CNTNAP2: variants seen among roughly 807,000 people sequenced by gnomAD.
The protein encoded by CNTNAP2 is contactin associated protein 2.
A neutral mutation model predicts 155.2 loss-of-function variants in CNTNAP2; 98 were observed. The ratio of observed to expected loss-of-function variants is 0.63; its 90% CI spans 0.54 to 0.75. The LOEUF (loss-of-function observed/expected upper bound fraction) is 0.75, where lower values mean the gene tolerates loss of function less well. Ranked by LOEUF, CNTNAP2 falls within the 30% of genes least tolerant of loss-of-function variation. The pLI, the probability that CNTNAP2 is intolerant of heterozygous loss-of-function variation, is 0.00. For synonymous variants in CNTNAP2, 651 were observed against 631.2 expected, an observed-to-expected ratio of 1.03 and a Z score of -0.47; for missense variants, 1,727 against 1,688.1, an observed-to-expected ratio of 1.02 and a Z score of -0.40.
At chr7:146,283,949 A>G (rs946593731) in intron 1 of CNTNAP2, among the ~76,000 whole-genome samples, 5 of 152,202 alleles carry the variant, frequency 3.3e-5, no homozygotes, top group African/African-American at 1.2e-4. Flanking sequence ...AATCAACAAG[A>G]AAATGACAGG....
At chr7:146,617,253 A>G (rs1466108483) in intron 1 of CNTNAP2, among the ~76,000 whole-genome samples, 3 of 152,222 alleles carry the variant, frequency 2.0e-5, no homozygotes, top group African/African-American at 7.2e-5. Flanking sequence ...TTTGTCTATA[A>G]CATGAGCTTG....
intron 9 of CNTNAP2, among the ~76,000 whole-genome samples, chr7:147,393,259 A>G (rs1340926952): frequency 1.3e-5 from 2 of 152,098 alleles, no homozygotes; most frequent in African/African-American, 4.8e-5. Context: ...ATTGGAAAAT[A>G]AAAGGACTTA....
intron 11 of CNTNAP2, among the ~76,000 whole-genome samples, chr7:147,560,680 T>G (rs1170071718): frequency 1.3e-5 from 2 of 151,804 alleles, no homozygotes; most frequent in African/African-American, 4.8e-5. Context: ...CACAGCTGTA[T>G]CTGCAATGCC....
At chr7:147,032,663 A>T (rs900586179) in intron 3 of CNTNAP2, among the ~76,000 whole-genome samples, 2 of 150,880 alleles carry the variant, frequency 1.3e-5, no homozygotes, top group Non-Finnish European at 3.0e-5. Context: ...AAAGGAGGGG[A>T]GGAAGGAAAT....
chr7:146,985,035 T>C (rs570646993), intron 3 of CNTNAP2, among the ~76,000 whole-genome samples: 1 of 152,316 alleles, frequency 6.6e-6, no homozygotes, highest in Non-Finnish European at 1.5e-5. Flanking sequence ...AAAAACACAC[T>C]ATCCTAGGCA....
chr7:146,410,894 C>T (rs981222240), intron 1 of CNTNAP2, among the ~76,000 whole-genome samples: 8 of 152,180 alleles, frequency 5.3e-5, no homozygotes, highest in Non-Finnish European at 1.0e-4. Flanking sequence ...GCTTACTTCA[C>T]ACAACATAAT....
intron 10 of CNTNAP2, among the ~76,000 whole-genome samples, chr7:147,439,487 T>G (rs541584616): frequency 6.6e-6 from 1 of 152,182 alleles, no homozygotes; most frequent in Admixed American, 6.5e-5. Flanking sequence ...TGAGCCTTGT[T>G]TTGTGACCTA....
intron 1 of CNTNAP2, among the ~76,000 whole-genome samples, chr7:146,730,335 T>C (rs1801503808): frequency 6.6e-6 from 1 of 152,194 alleles, no homozygotes; most frequent in South Asian, 2.1e-4. Flanking sequence ...AATTGCTCCA[T>C]GTCCTCCTTG....
chr7:146,164,111 G>T (rs930515835), intron 1 of CNTNAP2, among the ~76,000 whole-genome samples: 1 of 152,106 alleles, frequency 6.6e-6, no homozygotes, highest in Non-Finnish European at 1.5e-5. Flanking sequence ...CCTTAAAATT[G>T]GTGAGTCAAC....
chr7:146,896,630 T>G (rs1795883388), intron 3 of CNTNAP2, among the ~76,000 whole-genome samples: 1 of 152,010 alleles, frequency 6.6e-6, no homozygotes, highest in South Asian at 2.1e-4. Flanking sequence ...AATTGCAAAT[T>G]TGCCATTATT....
chr7:146,321,130 G>A (rs775440272), intron 1 of CNTNAP2, among the ~76,000 whole-genome samples: 1 of 152,098 alleles, frequency 6.6e-6, no homozygotes, highest in Non-Finnish European at 1.5e-5. Flanking sequence ...TTACCTTAAA[G>A]ATGATGATGC....
rs1381785855 is a variant in CNTNAP2 at position 147,638,822 on chromosome 7, C to T, written c.1898-284C>T. On this transcript the variant is annotated intron_variant, in intron 12 of 23. Coordinates refer to ENST00000361727, the MANE Select transcript of CNTNAP2 (RefSeq NM_014141.6). ...ATATTCAATGCTGCAGATGTTAGAG[C>T]ACCAACAAGATACAAAAGCTTTTTT... 18 of 533,312 alleles carry T rather than the reference C, an allele frequency of 3.4e-5. 1 individual carries two copies. The East Asian group carries it at 6.0e-4, about 18-fold the overall frequency. 33.0% of individuals were successfully genotyped at this position (533,312 alleles called of 1,614,324 possible).
Position 146,621,008 on chromosome 7 carries a change from A to C in CNTNAP2, c.98-153263A>C, listed in dbSNP as rs879928010. Among the ~76,000 whole-genome samples the C allele has an allele frequency of 2.0e-4, 30 of 152,196 alleles. 1 individual carries two copies. The highest frequency in any genetic ancestry group is 6.0e-4 in the African/African-American group (25 of 41,534). ...CATCTTATGGTTTTCTTTCTTATAG[A>C]GCTTTCCTCATTTAGCTACATTGAA... On this transcript the variant is annotated intron_variant, in intron 1 of 23. Transcript: ENST00000361727.
intron 3 of CNTNAP2, among the ~76,000 whole-genome samples, chr7:146,951,036 A>G (rs539681950): frequency 3.3e-5 from 5 of 152,224 alleles, no homozygotes; most frequent in African/African-American, 1.2e-4. Flanking sequence ...GCATTTCTGT[A>G]ATGACCAATG....
At chr7:147,126,081 G>C (rs953709509) in intron 6 of CNTNAP2, among the ~76,000 whole-genome samples, 1 of 152,084 alleles carries the variant, frequency 6.6e-6, no homozygotes, top group African/African-American at 2.4e-5. Context: ...TCTTAGAATC[G>C]CATACAGCCC....
intron 8 of CNTNAP2, among the ~76,000 whole-genome samples, chr7:147,293,390 G>T (rs1314311465): frequency 6.6e-6 from 1 of 152,130 alleles, no homozygotes; most frequent in East Asian, 1.9e-4. Flanking sequence ...AATTTTTATA[G>T]ATAAGAAATA....
At chr7:147,327,696 AG>A (rs1795485851) in intron 9 of CNTNAP2, among the ~76,000 whole-genome samples, 2 of 152,190 alleles carry the variant, frequency 1.3e-5, no homozygotes, top group Non-Finnish European at 2.9e-5. Context: ...TAAGAACAAG[AG>A]ACTTACATAT....
At chr7:147,338,820 A>G (rs1489321757) in intron 9 of CNTNAP2, among the ~76,000 whole-genome samples, 1 of 151,952 alleles carries the variant, frequency 6.6e-6, no homozygotes, top group African/African-American at 2.4e-5. Flanking sequence ...GTGTATGTAG[A>G]TATATAAAAA....
chr7:146,734,329 AG>A (rs1271399094), intron 1 of CNTNAP2, among the ~76,000 whole-genome samples: 6 of 152,204 alleles, frequency 3.9e-5, no homozygotes, highest in Admixed American at 1.3e-4. Flanking sequence ...GTTTTCAAAA[AG>A]CATGTTAGGA....
Sources: gnomAD v4.1 joint callset for allele counts (sites outside exome capture counted in the v4.1 genomes callset) on GRCh38, gnomAD v4.1.1 for gene constraint, MANE v1.5 for transcripts, NCBI Gene and HGNC (gene_info 2026-07-23, HGNC 2026-07-21) for gene names.